Variants in KCNIP3 observed in about 807,000 individuals in gnomAD.
KCNIP3 encodes calsenilin.
A neutral mutation model predicts 35.0 loss-of-function variants in KCNIP3; 28 were observed. The observed-to-expected ratio is 0.80, with a 90% CI of 0.59 to 1.10. The LOEUF (loss-of-function observed/expected upper bound fraction) is 1.10, where lower values mean the gene tolerates loss of function less well. KCNIP3 is among the 50% of genes least tolerant of loss of function. The pLI is 0.00. For synonymous variants in KCNIP3, 134 were observed against 133.8 expected, an observed-to-expected ratio of 1.00 and a Z score of -0.01; for missense variants, 295 against 338.4, an observed-to-expected ratio of 0.87 and a Z score of 1.01.
intron 2 of KCNIP3, among the ~76,000 whole-genome samples, chr2:95,318,676 A>G (rs1266629362): frequency 6.6e-6 from 1 of 152,204 alleles, no homozygotes; most frequent in African/African-American, 2.4e-5. Context: ...AAGCAGGCAC[A>G]GGGGTGGTGC....
chr2:95,316,630 T>G (rs1477306319), intron 2 of KCNIP3, among the ~76,000 whole-genome samples: 2 of 151,350 alleles, frequency 1.3e-5, no homozygotes, highest in Non-Finnish European at 2.9e-5. Context: ...AAGCGGAGAG[T>G]GGTGGTCCCC....
intron 8 of KCNIP3, 23 bp from the exon 9 acceptor site, chr2:95,383,979 C>G (rs756214363): frequency 6.2e-7 from 1 of 1,612,542 alleles, no homozygotes; most frequent in Non-Finnish European, 8.5e-7. Context: ...CACCTGAAGG[C>G]CTCCCTTCCT....
Position 95,378,877 on chromosome 2 carries a change from C to CAT in KCNIP3, c.448-2711_448-2710dup, listed in dbSNP as rs915127347. 1.5e-5 allele frequency among the ~76,000 whole-genome samples: 2 copies of CAT among 136,348 alleles called. No homozygotes were observed. Among genetic ancestry groups the CAT allele is most frequent in the African/African-American group, 2.9e-5 (1 of 34,804 alleles). 89.4% of individuals were successfully genotyped at this position (136,348 alleles called of 152,430 possible). On this transcript the variant is annotated intron_variant, in intron 5 of 8. Coordinates refer to ENST00000295225, the MANE Select transcript of KCNIP3 (RefSeq NM_013434.5). The surrounding 1 kb of genome is among the most constrained non-coding windows in gnomAD (Gnocchi z 4.0). Reference sequence around the variant, plus strand: ...ATATACACATATATACACACACACACATATATATACACACACACACATATA... The same window carrying CAT: ...ATATACACATATATACACACACACACATATATATATACACACACACACATATA...
intron 2 of KCNIP3, among the ~76,000 whole-genome samples, chr2:95,318,613 C>T (rs1678515479): frequency 6.6e-6 from 1 of 152,176 alleles, no homozygotes; most frequent in Non-Finnish European, 1.5e-5. Flanking sequence ...CCCTCCTCTG[C>T]CTGCACCCGG....
At chr2:95,366,773 A>T (rs1454372169) in intron 2 of KCNIP3, among the ~76,000 whole-genome samples, 3 of 152,164 alleles carry the variant, frequency 2.0e-5, no homozygotes, top group Non-Finnish European at 4.4e-5. Context: ...CATTTCCTTA[A>T]TGGAAAATGA....
At position 95,382,265 on chromosome 2, in the gene KCNIP3, C is replaced by T. The variant is rs944408309; in HGVS notation, c.556-112C>T. The T allele has an allele frequency of 5.1e-6, 3 of 586,624 alleles. No homozygotes were observed. Among genetic ancestry groups the T allele is most frequent in the Non-Finnish European group, 8.8e-6 (3 of 342,014 alleles). 36.3% of individuals were successfully genotyped at this position (586,624 alleles called of 1,614,324 possible). A position where few individuals can be genotyped will look rare whatever the true frequency, so the allele number is the denominator to read the frequency against. ...CTTCTCTCTCCAGCTCGTCCGGCCC[C>T]TCGCACTCACTGCCTTGGAGGTGCC... is the stretch of plus-strand genomic sequence containing the variant. On this transcript the variant is annotated intron_variant, in intron 6 of 8. Transcript: ENST00000295225. This position sits in a 1 kb window ranked among gnomAD's most constrained non-coding sequence, Gnocchi z 4.5.
At chr2:95,328,873 T>C (rs947820374) in intron 2 of KCNIP3, among the ~76,000 whole-genome samples, 2 of 152,242 alleles carry the variant, frequency 1.3e-5, no homozygotes, top group Non-Finnish European at 2.9e-5. Flanking sequence ...TGGCCTTTGC[T>C]GGGCCTTAGC....
chr2:95,381,755 C>T lies in KCNIP3; in HGVS notation c.555+52C>T, dbSNP rs1316996571. On this transcript the variant is annotated intron_variant, in intron 6 of 8. Coordinates refer to ENST00000295225, the MANE Select transcript of KCNIP3 (RefSeq NM_013434.5). ...GTCCCCTCCTCCCCTCCTGCTGCTCCACCCCTCCCGCCGCTCTTCCTCTCC... is the reference window on the plus strand; with the variant it reads ...GTCCCCTCCTCCCCTCCTGCTGCTCTACCCCTCCCGCCGCTCTTCCTCTCC... The T allele has an allele frequency of 1.1e-5, 13 of 1,201,964 alleles. No individual in the cohort carries two copies. The South Asian group carries it at 1.6e-4, about 15-fold the overall frequency. The allele number at this position is 1,201,964 out of a possible 1,614,324, so 74.5% of individuals were successfully genotyped here. A position where few individuals can be genotyped will look rare whatever the true frequency, so the allele number is the denominator to read the frequency against.
chr2:95,300,763 C>G (rs919201261), intron 1 of KCNIP3, among the ~76,000 whole-genome samples: 10 of 152,234 alleles, frequency 6.6e-5, no homozygotes, highest in African/African-American at 2.2e-4. Flanking sequence ...GGAGAGGGAG[C>G]AGCTGAGCTG....
At chr2:95,353,876 A>G (rs1573508474) in intron 2 of KCNIP3, among the ~76,000 whole-genome samples, 1 of 152,176 alleles carries the variant, frequency 6.6e-6, no homozygotes. Flanking sequence ...GTCGAGAGAC[A>G]TTTTTGGTTG....
intron 2 of KCNIP3, among the ~76,000 whole-genome samples, chr2:95,326,039 ACT>A (rs768989139): frequency 2.0e-5 from 3 of 151,774 alleles, no homozygotes; most frequent in Non-Finnish European, 4.4e-5. Flanking sequence ...ACACACATAC[ACT>A]CATATACACA....
intron 2 of KCNIP3, 128 bp from the exon 3 acceptor site, chr2:95,374,168 C>T: frequency 1.7e-6 from 2 of 1,177,310 alleles, no homozygotes; most frequent in South Asian, 1.4e-5. Flanking sequence ...GCCTGTGTGG[C>T]TGTCCATGGT....
intron 2 of KCNIP3, among the ~76,000 whole-genome samples, chr2:95,349,886 C>T (rs1320513050): frequency 6.6e-6 from 1 of 152,180 alleles, no homozygotes; most frequent in Non-Finnish European, 1.5e-5. Flanking sequence ...AAGGGGATCT[C>T]ATGTTGGCTT....
intron 2 of KCNIP3, among the ~76,000 whole-genome samples, chr2:95,336,865 C>T (rs1465247593): frequency 6.6e-6 from 1 of 152,186 alleles, no homozygotes; most frequent in East Asian, 1.9e-4. Flanking sequence ...AGGGTGTTCA[C>T]CAGTGCGTGG....
intron 2 of KCNIP3, among the ~76,000 whole-genome samples, chr2:95,369,548 G>T (rs773011364): frequency 1.3e-4 from 20 of 152,054 alleles, no homozygotes; most frequent in Non-Finnish European, 2.6e-4. Flanking sequence ...TCCTTTTAAT[G>T]TCTGGAAAGT....
chr2:95,345,549 CA>C (rs1223036888), intron 2 of KCNIP3, among the ~76,000 whole-genome samples: 2 of 152,382 alleles, frequency 1.3e-5, no homozygotes, highest in East Asian at 3.9e-4. Context: ...TGCAATTGCT[CA>C]GGCCGTGAGT....
chr2:95,321,010 C>T (rs1451082547), intron 2 of KCNIP3, among the ~76,000 whole-genome samples: 1 of 145,334 alleles, frequency 6.9e-6, no homozygotes, highest in Non-Finnish European at 1.5e-5. Flanking sequence ...CCTCTCCTCC[C>T]TGACCCCCAG....
At chr2:95,352,306 A>T (rs1444230580) in intron 2 of KCNIP3, among the ~76,000 whole-genome samples, 1 of 152,078 alleles carries the variant, frequency 6.6e-6, no homozygotes, top group East Asian at 1.9e-4. Flanking sequence ...CAAGGGCCCA[A>T]CGCTGGGGCC....
At chr2:95,335,976 T>C (rs1461391811) in intron 2 of KCNIP3, among the ~76,000 whole-genome samples, 1 of 152,246 alleles carries the variant, frequency 6.6e-6, no homozygotes, top group Non-Finnish European at 1.5e-5. Context: ...CACATGCCTT[T>C]TTGTTCCTCT....
Sources: gnomAD v4.1 joint callset for allele counts (sites outside exome capture counted in the v4.1 genomes callset) on GRCh38, gnomAD v4.1.1 for gene constraint, Gnocchi (gnomAD v3.1) non-coding constraint, MANE v1.5 for transcripts, NCBI Gene and HGNC (gene_info 2026-07-23, HGNC 2026-07-21) for gene names.